IQCK: variants seen among roughly 807,000 people sequenced by gnomAD.
IQCK encodes IQ domain-containing protein K.
Under a neutral mutation model 28.1 loss-of-function variants are expected in IQCK, and 29 were observed. The observed-to-expected ratio is 1.03, with a 90% confidence interval of 0.77 to 1.41. The LOEUF (loss-of-function observed/expected upper bound fraction) is 1.41. Among genes scored for constraint, IQCK ranks in the 40% most tolerant of loss-of-function variants. The pLI, the probability that IQCK is intolerant of heterozygous loss-of-function variation, is 0.00. For synonymous variants in IQCK, 113 were observed against 115.1 expected, an observed-to-expected ratio of 0.98 and a Z score of 0.12; for missense variants, 359 against 314.7, an observed-to-expected ratio of 1.14 and a Z score of -1.07.
chr16:19,813,021 A>G (rs2055928490), intron 7 of IQCK, among the ~76,000 whole-genome samples: 1 of 152,238 alleles, frequency 6.6e-6, no homozygotes, highest in African/African-American at 2.4e-5. Flanking sequence ...GGTGAAGCCC[A>G]TGAATTTGCA....
At chr16:19,855,892 C>T (rs1597618018) in intron 9 of IQCK, among the ~76,000 whole-genome samples, 1 of 152,104 alleles carries the variant, frequency 6.6e-6, no homozygotes, top group Admixed American at 6.5e-5. Context: ...CTGCACCCAC[C>T]AAGGGACTGG....
At chr16:19,732,501 T>C (rs1159592565) in intron 2 of IQCK, among the ~76,000 whole-genome samples, 5 of 152,216 alleles carry the variant, frequency 3.3e-5, no homozygotes, top group Non-Finnish European at 7.3e-5. Flanking sequence ...TTCTTTCTTT[T>C]TGAGACAGGG....
exon 5 of IQCK, chr16:19,763,877 T>G: frequency 2.5e-6 from 4 of 1,613,910 alleles, no homozygotes; most frequent in Non-Finnish European, 3.4e-6. Flanking sequence ...TTGCCTGTGA[T>G]TTTCTGACTG....
At chr16:19,776,122 C>T (rs962322191) in intron 6 of IQCK, among the ~76,000 whole-genome samples, 1 of 151,976 alleles carries the variant, frequency 6.6e-6, no homozygotes, top group African/African-American at 2.4e-5. Context: ...CTCAGGTGAT[C>T]CACCTGCCTC....
intron 4 of IQCK, among the ~76,000 whole-genome samples, chr16:19,742,364 C>T: frequency 6.6e-6 from 1 of 152,188 alleles, no homozygotes; most frequent in Non-Finnish European, 1.5e-5. Flanking sequence ...GTTCCCCCGT[C>T]CCCGGTCATC....
chr16:19,778,441 G>A (rs563377714), intron 6 of IQCK, among the ~76,000 whole-genome samples: 2 of 152,172 alleles, frequency 1.3e-5, no homozygotes, highest in South Asian at 4.1e-4. Context: ...GGATTGCTTA[G>A]GGTTAGGAGT....
intron 1 of IQCK, among the ~76,000 whole-genome samples, chr16:19,720,091 G>A (rs980086213): frequency 2.0e-5 from 3 of 152,152 alleles, no homozygotes; most frequent in Non-Finnish European, 4.4e-5. Context: ...CAGTATATGC[G>A]ATGACTCGAA....
exon 2 of IQCK, chr16:19,730,465 T>C (rs2151679807): frequency 6.2e-7 from 1 of 1,609,146 alleles, no homozygotes; most frequent in East Asian, 2.2e-5. Context: ...TCCAGAAGGA[T>C]ATAAAGTCAA....
rs371757301 is a variant in IQCK, at chr16:19,784,461, G to A, written c.606-4377G>A. Among the ~76,000 whole-genome samples, 16 of 152,250 alleles carry A rather than the reference G, an allele frequency of 1.1e-4. No individual in the cohort carries two copies. In the East Asian group the frequency reaches 2.9e-3, roughly 28 times the overall value. ...GGTAACAACTCATTCTTCATGTTGT[G>A]TGGATTTAACAAAATCACGTGTAGA... On this transcript the variant is annotated intron_variant, in intron 6 of 7. Coordinates refer to ENST00000564186, the Ensembl canonical transcript of IQCK.
intron 6 of IQCK, among the ~76,000 whole-genome samples, chr16:19,781,740 G>C (rs2055487694): frequency 6.6e-6 from 1 of 152,194 alleles, no homozygotes; most frequent in African/African-American, 2.4e-5. Flanking sequence ...TGTAATCCCA[G>C]CACCTTGGGA....
chr16:19,839,640 G>T (rs2056342345), intron 9 of IQCK, among the ~76,000 whole-genome samples: 1 of 152,088 alleles, frequency 6.6e-6, no homozygotes, highest in Non-Finnish European at 1.5e-5. Flanking sequence ...TGAATGAATG[G>T]ATCTGTGTTA....
chr16:19,724,406 A>G (rs1032071463), intron 1 of IQCK, among the ~76,000 whole-genome samples: 1 of 151,648 alleles, frequency 6.6e-6, no homozygotes, highest in Non-Finnish European at 1.5e-5. Flanking sequence ...GCCTGGTACA[A>G]CCTCCCACTA....
At chr16:19,724,485 A>G (rs867949671) in intron 1 of IQCK, among the ~76,000 whole-genome samples, 3 of 151,798 alleles carry the variant, frequency 2.0e-5, no homozygotes, top group Middle Eastern at 3.2e-3. Flanking sequence ...TCCCCTTCCA[A>G]TAAGCTACTG....
intron 7 of IQCK, among the ~76,000 whole-genome samples, chr16:19,807,349 C>A (rs138407031): frequency 2.6e-5 from 4 of 152,222 alleles, no homozygotes; most frequent in Non-Finnish European, 4.4e-5. Context: ...GTTTCTTAAA[C>A]CTGCCACGCC....
intron 4 of IQCK, among the ~76,000 whole-genome samples, chr16:19,742,790 TC>T (rs2054855644): frequency 6.6e-6 from 1 of 152,242 alleles, no homozygotes; most frequent in Non-Finnish European, 1.5e-5. Flanking sequence ...GTTTTTTCTT[TC>T]TATGACATGG....
intron 5 of IQCK, 40 bp from the exon 6 acceptor site, chr16:19,763,995 A>G (rs1050231943): frequency 1.2e-5 from 19 of 1,602,456 alleles, no homozygotes; most frequent in Non-Finnish European, 1.5e-5. Flanking sequence ...ATTCTTGCTT[A>G]TTGTTTTCTT....
At chr16:19,845,178 T>C (rs1326939935) in intron 9 of IQCK, among the ~76,000 whole-genome samples, 2 of 152,246 alleles carry the variant, frequency 1.3e-5, no homozygotes, top group Non-Finnish European at 2.9e-5. Flanking sequence ...GCCATCAAGA[T>C]GAGTGAATCT....
chr16:19,752,775 G>A lies in IQCK; in HGVS notation c.475-11073G>A, dbSNP rs563055760. Among the ~76,000 whole-genome samples the A allele has an allele frequency of 2.1e-4, 32 of 152,244 alleles. 1 individual carries two copies. The highest frequency in any genetic ancestry group is 8.5e-4 in the Admixed American group (13 of 15,280). ...GATGGGGCTTTGCCATGTTGGCCAG[G>A]CTGGTCTCGAATTTCTCAGCTCAAA... On this transcript the variant is annotated intron_variant, in intron 4 of 7. Coordinates refer to ENST00000564186, the Ensembl canonical transcript of IQCK.
intron 7 of IQCK, among the ~76,000 whole-genome samples, chr16:19,809,591 A>G (rs568780387): frequency 2.6e-5 from 4 of 152,348 alleles, no homozygotes; most frequent in East Asian, 3.9e-4. Context: ...GTTACTGTCT[A>G]TCTGTCAAAG....
Sources: gnomAD v4.1 joint callset for allele counts (sites outside exome capture counted in the v4.1 genomes callset) on GRCh38, gnomAD v4.1.1 for gene constraint, MANE v1.5 for transcripts, NCBI Gene and HGNC (gene_info 2026-07-23, HGNC 2026-07-21) for gene names.